Variants in INPP5D observed in about 807,000 individuals in gnomAD.
The protein encoded by INPP5D is phosphatidylinositol 3,4,5-trisphosphate 5-phosphatase 1.
Under a neutral mutation model 122.9 loss-of-function variants are expected in INPP5D, and 33 were observed. The ratio of observed to expected loss-of-function variants is 0.27; its 90% CI spans 0.20 to 0.36. INPP5D has a LOEUF of 0.36. INPP5D is among the 10% of genes least tolerant of loss of function. INPP5D has a pLI of 1.00. For synonymous variants in INPP5D, 584 were observed against 576.2 expected (o/e 1.01, Z -0.19); for missense variants, 1,053 against 1,412.7 (o/e 0.75, Z 4.08).
intron 13 of INPP5D, among the ~76,000 whole-genome samples, chr2:233,167,893 T>A (rs559086318): frequency 6.7e-6 from 1 of 150,360 alleles, no homozygotes; most frequent in South Asian, 2.1e-4. Context: ...TAGTCCCAGC[T>A]ACTCCTGAGG....
At chr2:233,166,717 G>A (rs751241040) in intron 13 of INPP5D, among the ~76,000 whole-genome samples, 20 of 152,218 alleles carry the variant, frequency 1.3e-4, no homozygotes, top group Admixed American at 5.2e-4. Context: ...GGTGTGGTAG[G>A]CTCACGCCTG....
intron 2 of INPP5D, among the ~76,000 whole-genome samples, chr2:233,114,309 C>T (rs765333407): frequency 2.0e-5 from 3 of 152,216 alleles, no homozygotes; most frequent in Non-Finnish European, 4.4e-5. Context: ...TCTTCACCCA[C>T]GTGGGGCCCT....
At chr2:233,137,915 T>C (rs1339314627) in intron 5 of INPP5D, among the ~76,000 whole-genome samples, 8 of 87,146 alleles carry the variant, frequency 9.2e-5, no homozygotes, top group South Asian at 3.9e-4. Context: ...CACACACACA[T>C]ACACATAATA....
chr2:233,181,858 G>A (rs1193917596), intron 18 of INPP5D, among the ~76,000 whole-genome samples: 1 of 152,182 alleles, frequency 6.6e-6, no homozygotes, highest in African/African-American at 2.4e-5. Context: ...GCACTTGGGA[G>A]GCCGAGGCGA....
chr2:233,063,682 C>A (rs1418465246), intron 1 of INPP5D, among the ~76,000 whole-genome samples: 1 of 152,260 alleles, frequency 6.6e-6, no homozygotes, highest in East Asian at 1.9e-4. Context: ...GCTTGGAAAG[C>A]CCTGCTTGAC....
chr2:233,148,569 G>C (rs545724735), intron 9 of INPP5D, among the ~76,000 whole-genome samples: 1 of 152,296 alleles, frequency 6.6e-6, no homozygotes, highest in East Asian at 1.9e-4. Context: ...AGGAGGCAGG[G>C]GGGTAGGCAA....
intron 2 of INPP5D, among the ~76,000 whole-genome samples, chr2:233,120,010 C>CTG (rs1319146209): frequency 6.6e-6 from 1 of 152,210 alleles, no homozygotes; most frequent in Non-Finnish European, 1.5e-5. Flanking sequence ...GGCCAGATGC[C>CTG]ACCTGCTCAC....
intron 14 of INPP5D, chr2:233,169,604 G>A (rs1694437507): frequency 4.0e-6 from 3 of 758,152 alleles, no homozygotes; most frequent in South Asian, 4.1e-5. Context: ...TTTGTCTGAA[G>A]GTCAGAAAAG....
At chr2:233,103,382 G>A (rs1478540380) in intron 2 of INPP5D, among the ~76,000 whole-genome samples, 1 of 152,192 alleles carries the variant, frequency 6.6e-6, no homozygotes, top group African/African-American at 2.4e-5. Flanking sequence ...GGCTGTCCTG[G>A]TCTATGTTCC....
intron 2 of INPP5D, among the ~76,000 whole-genome samples, chr2:233,115,379 C>T (rs1268648889): frequency 2.0e-5 from 3 of 152,174 alleles, no homozygotes; most frequent in Non-Finnish European, 2.9e-5. Context: ...AAATTACCCA[C>T]TGGGAAACTT....
chr2:233,063,434 G>A (rs1259165684), intron 1 of INPP5D, among the ~76,000 whole-genome samples: 1 of 152,224 alleles, frequency 6.6e-6, no homozygotes, highest in African/African-American at 2.4e-5. Flanking sequence ...GGAGTCTCAG[G>A]AACTGAGAGC....
intron 10 of INPP5D, among the ~76,000 whole-genome samples, chr2:233,159,317 G>A (rs552301091): frequency 1.3e-5 from 2 of 152,308 alleles, no homozygotes; most frequent in East Asian, 3.9e-4. Context: ...CTCATTCATT[G>A]TTCTCTGCCA....
chr2:233,065,472 T>A (rs1426825996), intron 1 of INPP5D, among the ~76,000 whole-genome samples: 1 of 22,806 alleles, frequency 4.4e-5, no homozygotes, highest in Admixed American at 2.5e-4. Flanking sequence ...CACACCGGGC[T>A]AATTTTTTTT....
intron 17 of INPP5D, 134 bp downstream of exon 17, chr2:233,171,286 G>A (rs1694489449): frequency 4.4e-6 from 6 of 1,355,844 alleles, no homozygotes; most frequent in South Asian, 1.5e-5. Context: ...GAAAGCACAT[G>A]TTGATTTGTG....
intron 25 of INPP5D, among the ~76,000 whole-genome samples, chr2:233,201,683 C>T (rs1028938298): frequency 6.6e-6 from 1 of 152,226 alleles, no homozygotes; most frequent in Non-Finnish European, 1.5e-5. Flanking sequence ...CTGAAAGTCC[C>T]ACATCTCAGG....
At chr2:233,190,325 C>T (rs1301363563) in intron 22 of INPP5D, among the ~76,000 whole-genome samples, 1 of 152,188 alleles carries the variant, frequency 6.6e-6, no homozygotes, top group African/African-American at 2.4e-5. Flanking sequence ...TGAACCCAGG[C>T]CTGCCTGCCC....
chr2:233,196,224 T>C (rs1695180288), intron 24 of INPP5D, among the ~76,000 whole-genome samples: 1 of 152,058 alleles, frequency 6.6e-6, no homozygotes, highest in Non-Finnish European at 1.5e-5. Context: ...AGAAAGAAGC[T>C]CCAGCCCAGG....
chr2:233,073,334 T>C (rs1346453557), intron 1 of INPP5D, among the ~76,000 whole-genome samples: 1 of 152,160 alleles, frequency 6.6e-6, no homozygotes, highest in Non-Finnish European at 1.5e-5. Flanking sequence ...CTTTTTGTTT[T>C]TATATTCTAA....
At position 233,189,765 on chromosome 2, in the gene INPP5D, G is replaced by A. The variant is rs1479456414; in HGVS notation, c.2359-85G>A. The A allele has an allele frequency of 3.3e-5, 52 of 1,554,646 alleles. No homozygotes were observed. The highest frequency in any genetic ancestry group is 4.1e-5 in the Non-Finnish European group (47 of 1,151,594). ...GATCTGATTACTAAGAACACCTTTC[G>A]TCATCTTCATCCACTTGTCCACCCA... On this transcript the variant is annotated intron_variant, in intron 21 of 26. Coordinates refer to ENST00000445964, the MANE Select transcript of INPP5D (RefSeq NM_001017915.3). The surrounding 1 kb of genome is among the most constrained non-coding windows in gnomAD (Gnocchi z 5.6).
Sources: allele counts gnomAD v4.1 joint callset (sites outside exome capture counted in the v4.1 genomes callset), GRCh38; gene constraint gnomAD v4.1.1; non-coding constraint Gnocchi (gnomAD v3.1); transcripts MANE v1.5; gene names NCBI Gene and HGNC (gene_info 2026-07-23, HGNC 2026-07-21).